Variants in MINDY2 observed in about 807,000 individuals in gnomAD.
MINDY2 encodes ubiquitin carboxyl-terminal hydrolase MINDY-2.
MINDY2 carries 52 observed loss-of-function variants against 68.2 expected under a neutral mutation model. The ratio of observed to expected loss-of-function variants is 0.76; its 90% CI spans 0.61 to 0.96. The LOEUF (loss-of-function observed/expected upper bound fraction) is 0.96, where lower values mean the gene tolerates loss of function less well. MINDY2 is among the 40% of genes least tolerant of loss of function. The probability of loss-of-function intolerance (pLI) is 0.00; values close to 1 mark genes in which losing one functional copy is unlikely to be tolerated. For missense variants in MINDY2, 881 were observed against 773.4 expected, an observed-to-expected ratio of 1.14 and a Z score of -1.65; for synonymous variants, 372 against 303.0, an observed-to-expected ratio of 1.23 and a Z score of -2.36.
At chr15:58,813,176 G>A (rs977356260) in intron 4 of MINDY2, among the ~76,000 whole-genome samples, 6 of 152,074 alleles carry the variant, frequency 3.9e-5, no homozygotes, top group Non-Finnish European at 1.5e-5. Flanking sequence ...TGGACCTACC[G>A]CAGTTTTACT....
intron 5 of MINDY2, among the ~76,000 whole-genome samples, chr15:58,827,387 T>C (rs2031463034): frequency 6.6e-6 from 1 of 152,188 alleles, no homozygotes; most frequent in Non-Finnish European, 1.5e-5. Flanking sequence ...GTTATTCTTC[T>C]GTAACAGAAC....
At chr15:58,803,597 A>T (rs1595729104) in intron 3 of MINDY2, among the ~76,000 whole-genome samples, 1 of 152,150 alleles carries the variant, frequency 6.6e-6, no homozygotes, top group African/African-American at 2.4e-5. Flanking sequence ...TGGATGGGTC[A>T]CTTGAGGCCA....
chr15:58,792,215 A>G lies in MINDY2; in HGVS notation c.898+4252A>G, dbSNP rs563652738. On this transcript the variant is annotated intron_variant, in intron 2 of 8. Coordinates refer to ENST00000559228, the MANE Select transcript of MINDY2 (RefSeq NM_001040450.3). ...AGCCACTTTGGAAAGCAGTTTGGCA[A>G]TTCTTTAAAAAGTTAAACAGAATTA... 2.0e-5 allele frequency among the ~76,000 whole-genome samples: 3 copies of G among 152,358 alleles called. No individual in the cohort carries two copies. The South Asian group carries it at 6.2e-4, about 32-fold the overall frequency.
chr15:58,799,428 G>A (rs146625148), intron 2 of MINDY2, among the ~76,000 whole-genome samples: 3,480 of 152,072 alleles, frequency 0.023, 44 homozygotes, highest in Middle Eastern at 0.044. Flanking sequence ...TTAGCCAGGC[G>A]TGGTGGCGGG....
chr15:58,841,005 A>T (rs1440096786), intron 6 of MINDY2, among the ~76,000 whole-genome samples: 1 of 128,964 alleles, frequency 7.8e-6, no homozygotes, highest in Non-Finnish European at 1.6e-5. Context: ...GGTGTGTGAG[A>T]CACTTTCATT....
chr15:58,802,542 T>C (rs1453046344), intron 3 of MINDY2, among the ~76,000 whole-genome samples, 165 bp downstream of exon 3: 1 of 152,174 alleles, frequency 6.6e-6, no homozygotes, highest in African/African-American at 2.4e-5. Context: ...TTGTTTTCTT[T>C]TTTTATGCCT....
At chr15:58,791,679 G>A (rs1174343019) in intron 2 of MINDY2, among the ~76,000 whole-genome samples, 1 of 139,304 alleles carries the variant, frequency 7.2e-6, no homozygotes, top group Non-Finnish European at 1.6e-5. Context: ...TGTGTGTAAT[G>A]TGACCAAGGA....
intron 2 of MINDY2, among the ~76,000 whole-genome samples, chr15:58,798,782 A>G (rs771699087): frequency 6.6e-6 from 1 of 152,138 alleles, no homozygotes; most frequent in Non-Finnish European, 1.5e-5. Flanking sequence ...CTGAGCATGT[A>G]TTGTGAGCTA....
intron 6 of MINDY2, among the ~76,000 whole-genome samples, chr15:58,844,420 C>T (rs1445023718): frequency 2.0e-5 from 3 of 151,774 alleles, no homozygotes; most frequent in East Asian, 1.9e-4. Flanking sequence ...GGCATGGTGG[C>T]GGGCGCCTGT....
rs1416436932 is a variant in MINDY2, at chr15:58,859,279, C to T, written c.*4669C>T. 1 of 151,982 alleles carries T rather than the reference C, an allele frequency of 6.6e-6. No homozygotes were observed. Among genetic ancestry groups the T allele is most frequent in the Non-Finnish European group, 1.5e-5 (1 of 67,960 alleles). The allele number at this position is 151,982 out of a possible 1,614,324, so 9.4% of individuals were successfully genotyped here. ...TCACAGATCTAAATATTTAGATTCTCTTTGCCTTTTTCTCCATGGAATACG... is the reference window on the plus strand; with the variant it reads ...TCACAGATCTAAATATTTAGATTCTTTTTGCCTTTTTCTCCATGGAATACG... On this transcript the variant is annotated 3_prime_UTR_variant, in exon 9 of 9. Transcript: ENST00000559228.
intron 3 of MINDY2, among the ~76,000 whole-genome samples, chr15:58,809,534 A>C (rs1380050478): frequency 6.6e-6 from 1 of 152,218 alleles, no homozygotes; most frequent in Non-Finnish European, 1.5e-5. Context: ...GTGGGTGTAC[A>C]ACTATCTCTT....
At position 58,772,112 on chromosome 15, in the gene MINDY2, A is replaced by G. The variant is rs1475542353; in HGVS notation, c.717A>G (p.Gly239=). The G allele has an allele frequency of 3.7e-6, 6 of 1,613,880 alleles. No individual in the cohort carries two copies. The African/African-American group carries it at 5.3e-5, about 14-fold the overall frequency. The change falls in exon 1 of 9, where the codon GGA becomes GGG. Residue 239 remains glycine, a synonymous_variant. Coordinates refer to ENST00000559228, the MANE Select transcript of MINDY2 (RefSeq NM_001040450.3). The part of the protein sequence containing the change: ...VLAASKERFP[G]QSVYHIKWIQ... The stretch of plus-strand genomic sequence containing the variant: ...CGGCCTCCAAGGAACGCTTCCCGGG[A>G]CAATCTGTGTATCACATCAAGTGGA...
intron 5 of MINDY2, among the ~76,000 whole-genome samples, chr15:58,824,490 A>G (rs750220479): frequency 6.6e-6 from 1 of 152,152 alleles, no homozygotes; most frequent in Non-Finnish European, 1.5e-5. Flanking sequence ...GTCATTTAGC[A>G]TAATTAAAAA....
intron 6 of MINDY2, among the ~76,000 whole-genome samples, chr15:58,839,126 G>A (rs2032149725): frequency 6.6e-6 from 1 of 151,360 alleles, no homozygotes; most frequent in Non-Finnish European, 1.5e-5. Context: ...TTTTTTTTGA[G>A]TGTGCGTTAA....
At chr15:58,830,029 C>A (rs1161788018) in intron 5 of MINDY2, among the ~76,000 whole-genome samples, 2 of 152,090 alleles carry the variant, frequency 1.3e-5, no homozygotes, top group Non-Finnish European at 2.9e-5. Context: ...TAGGGCATTC[C>A]CTTCCCTCCT....
intron 2 of MINDY2, chr15:58,795,995 C>T: frequency 2.3e-6 from 1 of 427,340 alleles, no homozygotes; most frequent in Non-Finnish European, 4.7e-6. Flanking sequence ...CTGGAGAATA[C>T]TCTCTTTATG....
At chr15:58,823,198 C>T (rs560441467) in intron 5 of MINDY2, among the ~76,000 whole-genome samples, 87 of 146,146 alleles carry the variant, frequency 6.0e-4, no homozygotes, top group African/African-American at 2.1e-3. Flanking sequence ...AGTGCAATGG[C>T]GCGATCTCAG....
chr15:58,808,479 T>G lies in MINDY2; in HGVS notation c.964-1751T>G, dbSNP rs142866311. On this transcript the variant is annotated intron_variant, in intron 3 of 8. Coordinates refer to ENST00000559228, the MANE Select transcript of MINDY2 (RefSeq NM_001040450.3). ...TTATACAGTATGTAGCCTTTTCATATTAGCTTGTTTTCTTTACTACTACGC... is the reference window on the plus strand; with the variant it reads ...TTATACAGTATGTAGCCTTTTCATAGTAGCTTGTTTTCTTTACTACTACGC... Among the ~76,000 whole-genome samples the G allele has an allele frequency of 3.9e-5, 6 of 152,336 alleles. No homozygotes were observed. The East Asian group carries it at 1.2e-3, about 29-fold the overall frequency.
chr15:58,784,440 T>C (rs1439186527), intron 1 of MINDY2, among the ~76,000 whole-genome samples: 1 of 152,142 alleles, frequency 6.6e-6, no homozygotes, highest in African/African-American at 2.4e-5. Context: ...TTGGGAGCTA[T>C]TTGTTAATAT....
Sources: allele counts gnomAD v4.1 joint callset (sites outside exome capture counted in the v4.1 genomes callset), GRCh38; gene constraint gnomAD v4.1.1; transcripts MANE v1.5; gene names NCBI Gene and HGNC (gene_info 2026-07-23, HGNC 2026-07-21).